Variants in DPYD observed in about 807,000 individuals in gnomAD.
The protein encoded by DPYD is dihydropyrimidine dehydrogenase [NADP(+)].
In DPYD, 109 loss-of-function variants were observed where a neutral mutation model predicts 116.2. That is an observed-to-expected ratio of 0.94 (90% CI 0.80 to 1.10). The LOEUF (loss-of-function observed/expected upper bound fraction) is 1.10, where lower values mean the gene tolerates loss of function less well. DPYD is among the 50% of genes least tolerant of loss of function. The pLI, the probability that DPYD is intolerant of heterozygous loss-of-function variation, is 0.00. For missense variants in DPYD, 1,302 were observed against 1,254.5 expected (o/e 1.04, Z -0.57); for synonymous variants, 440 against 432.0 (o/e 1.02, Z -0.23).
intron 10 of DPYD, among the ~76,000 whole-genome samples, chr1:97,581,630 C>T (rs1653680861): frequency 6.6e-6 from 1 of 150,946 alleles, no homozygotes; most frequent in Non-Finnish European, 1.5e-5. Context: ...CCTGTAGTCC[C>T]AGCTACTTGG....
chr1:97,623,381 A>C (rs11578795), intron 8 of DPYD, among the ~76,000 whole-genome samples: 5,307 of 152,196 alleles, frequency 0.035, 133 homozygotes, highest in Non-Finnish European at 0.051. Context: ...ATGGAAAGTA[A>C]AAAGGATGTT....
intron 16 of DPYD, among the ~76,000 whole-genome samples, chr1:97,342,352 C>T (rs1669630697): frequency 6.6e-6 from 1 of 152,126 alleles, no homozygotes. Context: ...AATGGTATTT[C>T]AGTGAATAAG....
At chr1:97,347,929 G>A (rs1277643649) in intron 16 of DPYD, among the ~76,000 whole-genome samples, 3 of 152,010 alleles carry the variant, frequency 2.0e-5, no homozygotes, top group African/African-American at 7.2e-5. Context: ...AAGCCTGTTT[G>A]GAAGGCCAGC....
chr1:97,675,561 A>G (rs1211137883), intron 8 of DPYD, among the ~76,000 whole-genome samples: 1 of 152,174 alleles, frequency 6.6e-6, no homozygotes, highest in Non-Finnish European at 1.5e-5. Flanking sequence ...ATCATGCACT[A>G]TAGTTAAAAT....
intron 2 of DPYD, among the ~76,000 whole-genome samples, chr1:97,836,579 C>T (rs1389672604): frequency 6.6e-6 from 1 of 151,834 alleles, no homozygotes. Context: ...TTTAAAAATA[C>T]GTTGTTTAAA....
intron 12 of DPYD, chr1:97,546,927 T>C: frequency 4.4e-6 from 7 of 1,607,694 alleles, no homozygotes; most frequent in Non-Finnish European, 6.0e-6. Context: ...AAGATAGCTT[T>C]GAGGAAGAAG....
At chr1:97,703,336 A>C (rs1661716482) in intron 5 of DPYD, among the ~76,000 whole-genome samples, 1 of 152,022 alleles carries the variant, frequency 6.6e-6, no homozygotes, top group Admixed American at 6.6e-5. Context: ...CATTCTCATG[A>C]TGTATAGAAT....
At chr1:97,401,587 T>C (rs12045421) in intron 14 of DPYD, among the ~76,000 whole-genome samples, 29,176 of 152,148 alleles carry the variant, frequency 0.19, 2,968 homozygotes, top group South Asian at 0.36. Context: ...TTGCTGGGAT[T>C]ACAGGTGTGA....
intron 19 of DPYD, among the ~76,000 whole-genome samples, chr1:97,224,780 T>G (rs1661004528): frequency 6.6e-6 from 1 of 151,896 alleles, no homozygotes; most frequent in South Asian, 2.1e-4. Context: ...CTTTCTGTGT[T>G]TGGCTTATTT....
intron 2 of DPYD, among the ~76,000 whole-genome samples, chr1:97,836,172 G>A (rs530013148): frequency 5.9e-5 from 9 of 152,126 alleles, no homozygotes; most frequent in Admixed American, 3.3e-4. Context: ...GATGGGGTGC[G>A]GGTGGCAAAG....
chr1:97,618,212 G>A (rs1456974213), intron 8 of DPYD, among the ~76,000 whole-genome samples: 4 of 152,034 alleles, frequency 2.6e-5, no homozygotes, highest in Non-Finnish European at 5.9e-5. Context: ...TCCATGGCAA[G>A]GGACTAGTCT....
intron 19 of DPYD, among the ~76,000 whole-genome samples, chr1:97,230,829 T>C (rs192340610): frequency 2.6e-5 from 4 of 152,052 alleles, no homozygotes; most frequent in African/African-American, 9.6e-5. Context: ...GAAGAAGAAA[T>C]CACATGGCTC....
At chr1:97,219,971 A>G (rs1660675193) in intron 19 of DPYD, among the ~76,000 whole-genome samples, 1 of 152,010 alleles carries the variant, frequency 6.6e-6, no homozygotes, top group African/African-American at 2.4e-5. Context: ...TCACTTGTAT[A>G]ACTACGCCTT....
At chr1:97,091,306 TG>T (rs1649882396) in intron 21 of DPYD, among the ~76,000 whole-genome samples, 1 of 151,948 alleles carries the variant, frequency 6.6e-6, no homozygotes, top group Admixed American at 6.6e-5. Flanking sequence ...AATAAACAGA[TG>T]GGTGGACAGA....
intron 14 of DPYD, among the ~76,000 whole-genome samples, chr1:97,442,238 C>T (rs989097201): frequency 1.3e-5 from 2 of 151,854 alleles, no homozygotes; most frequent in African/African-American, 4.8e-5. Flanking sequence ...TGTTTTCTAT[C>T]TCTCAGTGAC....
intron 5 of DPYD, chr1:97,720,790 T>A: frequency 6.5e-7 from 1 of 1,538,534 alleles, no homozygotes; most frequent in Non-Finnish European, 8.7e-7. Flanking sequence ...ACCCTTCATA[T>A]AAGCTGATCA....
intron 20 of DPYD, among the ~76,000 whole-genome samples, chr1:97,172,585 G>A (rs933097036): frequency 6.6e-6 from 1 of 152,118 alleles, no homozygotes; most frequent in African/African-American, 2.4e-5. Context: ...CTGGCAGTTG[G>A]AAGTTGTAGA....
chr1:97,688,361 G>C (rs1469600743), intron 7 of DPYD, among the ~76,000 whole-genome samples: 5 of 152,008 alleles, frequency 3.3e-5, no homozygotes, highest in African/African-American at 1.2e-4. Flanking sequence ...TACTGAAATA[G>C]TAGACTTAAA....
At chr1:97,432,865 A>C (rs1397865433) in intron 14 of DPYD, among the ~76,000 whole-genome samples, 3 of 152,166 alleles carry the variant, frequency 2.0e-5, no homozygotes, top group African/African-American at 7.2e-5. Context: ...TGTCGAGAGC[A>C]GAACCTTCTC....
Sources: allele counts gnomAD v4.1 joint callset (sites outside exome capture counted in the v4.1 genomes callset), GRCh38; gene constraint gnomAD v4.1.1; transcripts MANE v1.5; gene names NCBI Gene and HGNC (gene_info 2026-07-23, HGNC 2026-07-21).